The following SAMD5 variants were observed in gnomAD, a reference collection of about 807,000 sequenced individuals.
The protein encoded by SAMD5 is sterile alpha motif domain-containing protein 5.
A neutral mutation model predicts 11.3 loss-of-function variants in SAMD5; 13 were observed. The observed-to-expected ratio is 1.15, with a 90% confidence interval of 0.75 to 1.83. SAMD5 has a LOEUF of 1.83. SAMD5 is among the 40% of genes most tolerant of loss of function. The pLI, the probability that SAMD5 is intolerant of heterozygous loss-of-function variation, is 0.00. For missense variants in SAMD5, 255 were observed against 239.1 expected (o/e 1.07, Z -0.44); for synonymous variants, 129 against 111.3 (o/e 1.16, Z -1.00).
At chr6:147,772,459 C>T in the SAMD5 span, among the ~76,000 whole-genome samples, 1 of 152,064 alleles carries the variant, frequency 6.6e-6, no homozygotes, top group African/African-American at 2.4e-5. Flanking sequence ...CTGTCTGTAT[C>T]AGTTTGTTCA....
chr6:147,838,524 A>T, the SAMD5 span, among the ~76,000 whole-genome samples: 689 of 136,316 alleles, frequency 5.1e-3, 19 homozygotes, highest in Admixed American at 0.032. Context: ...GGAACTAAGA[A>T]TATCCTGCCC....
At chr6:147,603,254 C>A (rs747402700) in intron 1 of SAMD5, among the ~76,000 whole-genome samples, 1 of 152,090 alleles carries the variant, frequency 6.6e-6, no homozygotes, top group Non-Finnish European at 1.5e-5. Flanking sequence ...CTATTGGCAA[C>A]ACAATTTCAG....
At position 147,620,168 on chromosome 6, in the gene SAMD5, C is replaced by T. The variant is rs546876305; in HGVS notation, c.162+110781C>T. The stretch of plus-strand genomic sequence containing the variant: ...GCCCCGTGCGTTCCATCCTTCCTTT[C>T]CTCGAGCTTCTCTTCCTCCATCCAC... On this transcript the variant is annotated intron_variant, in intron 1 of 1. Transcript: ENST00000566741. Among the ~76,000 whole-genome samples the T allele has an allele frequency of 7.2e-5, 11 of 152,298 alleles. No individual in the cohort carries two copies. The East Asian group carries it at 1.7e-3, about 24-fold the overall frequency.
chr6:147,712,711 A>G (rs1263126010), intron 1 of SAMD5, among the ~76,000 whole-genome samples: 2 of 152,112 alleles, frequency 1.3e-5, no homozygotes, highest in African/African-American at 4.8e-5. Context: ...CTATGGGAGC[A>G]CACAATGAAA....
At chr6:147,755,108 A>C in the SAMD5 span, among the ~76,000 whole-genome samples, 20 of 151,936 alleles carry the variant, frequency 1.3e-4, no homozygotes, top group African/African-American at 4.8e-4. Flanking sequence ...TGTCACTGGT[A>C]TTTTGATAGG....
chr6:147,742,889 G>GT, the SAMD5 span, among the ~76,000 whole-genome samples: 1 of 152,144 alleles, frequency 6.6e-6, no homozygotes, highest in Non-Finnish European at 1.5e-5. Flanking sequence ...AATTTTACTT[G>GT]TTGTACATAG....
At chr6:147,724,879 T>C (rs1019853305) in intron 1 of SAMD5, among the ~76,000 whole-genome samples, 3 of 152,182 alleles carry the variant, frequency 2.0e-5, no homozygotes, top group African/African-American at 7.2e-5. Flanking sequence ...TAAAGTTTAC[T>C]GCTAATTTCA....
chr6:147,773,713 A>T, the SAMD5 span, among the ~76,000 whole-genome samples: 2 of 151,968 alleles, frequency 1.3e-5, no homozygotes, highest in African/African-American at 2.4e-5. Context: ...TCACCTCTCA[A>T]ATGCCCCACC....
chr6:147,802,589 CA>C, the SAMD5 span, among the ~76,000 whole-genome samples: 1 of 150,716 alleles, frequency 6.6e-6, no homozygotes, highest in African/African-American at 2.4e-5. Flanking sequence ...CGTATGTTCA[CA>C]GAAGATTTGT....
chr6:147,835,232 TA>T, the SAMD5 span, among the ~76,000 whole-genome samples: 100 of 113,426 alleles, frequency 8.8e-4, no homozygotes, highest in East Asian at 1.7e-3. Flanking sequence ...GACTCCATCT[TA>T]AAAAAAAAAA....
chr6:147,571,814 CA>C (rs1188478662), downstream of SAMD5, among the ~76,000 whole-genome samples: 4 of 152,074 alleles, frequency 2.6e-5, no homozygotes, highest in Non-Finnish European at 4.4e-5. Context: ...GCCTATAAAT[CA>C]GAAGTCCTTA....
intron 1 of SAMD5, among the ~76,000 whole-genome samples, chr6:147,519,166 G>T (rs901284416): frequency 7.2e-5 from 11 of 152,150 alleles, no homozygotes; most frequent in African/African-American, 2.4e-4. Context: ...TAGCAAAGTT[G>T]TAATGCACAG....
intron 1 of SAMD5, among the ~76,000 whole-genome samples, chr6:147,665,180 GT>G (rs1163805476): frequency 1.3e-5 from 2 of 152,152 alleles, no homozygotes; most frequent in Non-Finnish European, 2.9e-5. Flanking sequence ...TACAAACATA[GT>G]TTAATGTAGT....
intron 1 of SAMD5, among the ~76,000 whole-genome samples, chr6:147,642,933 A>G (rs1790335703): frequency 6.6e-6 from 1 of 152,166 alleles, no homozygotes; most frequent in African/African-American, 2.4e-5. Context: ...CCCCAGAATA[A>G]ATAATTGAGA....
At position 147,581,688 on chromosome 6, in the gene SAMD5, C is replaced by G. The variant is rs567303083; in HGVS notation, c.162+72301C>G. ...GTATCCATTAGGTTGAGCCCTATGA[C>G]GTAGAAATCAGAGACCTCAGTGAGA... On this transcript the variant is annotated intron_variant, in intron 1 of 1. Coordinates refer to the SAMD5 transcript ENST00000566741. Among the ~76,000 whole-genome samples the G allele has an allele frequency of 5.9e-5, 9 of 152,132 alleles. No individual in the cohort carries two copies. In the East Asian group the frequency reaches 1.5e-3, roughly 26 times the overall value.
At chr6:147,647,458 T>G (rs773925433) in intron 1 of SAMD5, among the ~76,000 whole-genome samples, 13 of 152,058 alleles carry the variant, frequency 8.5e-5, no homozygotes, top group Non-Finnish European at 1.9e-4. Flanking sequence ...CAATCAGGTT[T>G]GGATGGGTTG....
At chr6:147,906,495 G>GCCAA in the SAMD5 span, among the ~76,000 whole-genome samples, 1 of 152,184 alleles carries the variant, frequency 6.6e-6, no homozygotes, top group African/African-American at 2.4e-5. Flanking sequence ...GAAGAAGAGG[G>GCCAA]CCAAGCCTGA....
chr6:147,727,074 A>T (rs993237583), intron 1 of SAMD5, among the ~76,000 whole-genome samples: 5 of 152,152 alleles, frequency 3.3e-5, no homozygotes, highest in African/African-American at 1.2e-4. Flanking sequence ...AGGCCCAAAT[A>T]CAAAGTCCTT....
At chr6:147,673,611 T>C (rs1405309924) in intron 1 of SAMD5, among the ~76,000 whole-genome samples, 1 of 152,162 alleles carries the variant, frequency 6.6e-6, no homozygotes, top group African/African-American at 2.4e-5. Context: ...AGGTTTTTTT[T>C]TCCTGGCTTA....
Sources: gnomAD v4.1 joint callset for allele counts (sites outside exome capture counted in the v4.1 genomes callset) on GRCh38, gnomAD v4.1.1 for gene constraint, MANE v1.5 for transcripts, NCBI Gene and HGNC (gene_info 2026-07-23, HGNC 2026-07-21) for gene names.